The following RBFOX2 variants were observed in gnomAD, a reference collection of about 807,000 sequenced individuals.
RBFOX2 encodes RNA binding fox-1 homolog 2.
In RBFOX2, 10 loss-of-function variants were observed where a neutral mutation model predicts 49.1. The ratio of observed to expected loss-of-function variants is 0.20; its 90% confidence interval spans 0.13 to 0.35. The LOEUF (loss-of-function observed/expected upper bound fraction) is 0.35, where lower values mean the gene tolerates loss of function less well. Ranked by LOEUF, RBFOX2 falls within the 10% of genes least tolerant of loss-of-function variation. The pLI, the probability that RBFOX2 is intolerant of heterozygous loss-of-function variation, is 1.00. For missense variants in RBFOX2, 323 were observed against 486.9 expected (o/e 0.66, Z 3.17); for synonymous variants, 183 against 187.4 (o/e 0.98, Z 0.19).
At chr22:35,933,821 T>C (rs1044468926) in intron 1 of RBFOX2, among the ~76,000 whole-genome samples, 1 of 151,668 alleles carries the variant, frequency 6.6e-6, no homozygotes, top group African/African-American at 2.4e-5. Flanking sequence ...CCCCAAGCCC[T>C]TTCTTCTCCC....
intron 1 of RBFOX2, among the ~76,000 whole-genome samples, chr22:35,855,902 G>A (rs1330747046): frequency 6.6e-6 from 1 of 152,020 alleles, no homozygotes; most frequent in African/African-American, 2.4e-5. Flanking sequence ...AGGTACTCGG[G>A]AGGCTGAGGT....
At position 36,028,257 on chromosome 22, in the gene RBFOX2, C is replaced by T. The variant is rs558742349; in HGVS notation, c.169G>A (p.Gly57Ser). 37 of 1,529,452 alleles carry T rather than the reference C, an allele frequency of 2.4e-5. No homozygotes were observed. In the African/African-American group the frequency reaches 3.7e-4, roughly 15 times the overall value. 94.7% of individuals were successfully genotyped at this position (1,529,452 alleles called of 1,614,324 possible). ...GCGGTCACCTGCATCCCGCCGCCAC[C>T]GTCGGCCGCCGCCTCCTCAGTGCGC... Residue 57 changes from glycine (G) to serine (S), a missense_variant, in exon 1 of 14, where the codon GGT becomes AGT. Coordinates refer to the RBFOX2 transcript ENST00000438146.
At chr22:36,024,182 A>AAATTAC (rs1556554635) in intron 1 of RBFOX2, among the ~76,000 whole-genome samples, 1 of 152,248 alleles carries the variant, frequency 6.6e-6, no homozygotes, top group African/African-American at 2.4e-5. Context: ...TGTAAAAGGT[A>AAATTAC]AATTTCAATT....
At chr22:35,841,757 G>A (rs573288212), upstream of RBFOX2, among the ~76,000 whole-genome samples, 21 of 151,944 alleles carry the variant, frequency 1.4e-4, 1 homozygote, top group South Asian at 3.3e-3. Context: ...ACAAGCCCAC[G>A]GCTAACAACA....
chr22:35,830,470 A>G (rs937130689), intron 1 of RBFOX2, among the ~76,000 whole-genome samples: 7 of 152,198 alleles, frequency 4.6e-5, no homozygotes. Context: ...GATGACAGGG[A>G]TATGTTCTGA....
intron 1 of RBFOX2, among the ~76,000 whole-genome samples, chr22:35,980,191 G>A (rs754416113): frequency 2.0e-5 from 3 of 152,106 alleles, no homozygotes; most frequent in Non-Finnish European, 2.9e-5. Flanking sequence ...GGTCATGTAG[G>A]TAAAAGATCC....
rs1302048534 is a variant in RBFOX2 at position 36,000,939 on chromosome 22, A to T, written c.186+27301T>A. On this transcript the variant is annotated intron_variant, in intron 1 of 13. Transcript: ENST00000438146. ...CACTGTTACAGATCATCTTGATCTA[A>T]CCCTTTCAGTTTAGGAAACTGAGGT... 5.3e-5 allele frequency among the ~76,000 whole-genome samples: 8 copies of T among 152,308 alleles called. No homozygotes were observed. In the East Asian group the frequency reaches 1.5e-3, roughly 29 times the overall value.
At chr22:35,842,795 G>GT (rs898221367), upstream of RBFOX2, among the ~76,000 whole-genome samples, 4 of 151,932 alleles carry the variant, frequency 2.6e-5, no homozygotes, top group African/African-American at 4.8e-5. Flanking sequence ...GCCCCAAGGA[G>GT]TTTTTTTGTT....
At chr22:35,959,060 T>C (rs2055914338) in intron 1 of RBFOX2, among the ~76,000 whole-genome samples, 1 of 151,996 alleles carries the variant, frequency 6.6e-6, no homozygotes, top group Non-Finnish European at 1.5e-5. Context: ...AGAGATGAGA[T>C]GGTACTGAGA....
At chr22:35,926,283 A>G (rs1384631707) in intron 1 of RBFOX2, among the ~76,000 whole-genome samples, 1 of 152,246 alleles carries the variant, frequency 6.6e-6, no homozygotes, top group African/African-American at 2.4e-5. Context: ...CAGCAAGAAT[A>G]TCCCTACTAA....
chr22:35,891,444 T>A (rs979406555), intron 1 of RBFOX2, among the ~76,000 whole-genome samples: 1 of 151,948 alleles, frequency 6.6e-6, no homozygotes, highest in African/African-American at 2.4e-5. Context: ...GGGCACACTA[T>A]GTCTTTAATC....
At position 35,836,102 on chromosome 22, in the gene RBFOX2, G is replaced by C. The variant is rs375251010; in HGVS notation, c.27+4090C>G. On this transcript the variant is annotated intron_variant, in intron 1 of 11. Coordinates refer to ENST00000405409, the Ensembl canonical transcript of RBFOX2. ...GCTCCGTGGATGAAGGGTGGGATAAGGTTCGAGTGGCAAGGGAGCATGACT... is the reference window on the plus strand; with the variant it reads ...GCTCCGTGGATGAAGGGTGGGATAACGTTCGAGTGGCAAGGGAGCATGACT... Among the ~76,000 whole-genome samples the C allele has an allele frequency of 2.5e-4, 38 of 152,234 alleles. No homozygotes were observed. In the South Asian group the frequency reaches 7.5e-3, roughly 30 times the overall value.
chr22:35,864,483 T>TG (rs1263909312), intron 1 of RBFOX2, among the ~76,000 whole-genome samples: 1 of 152,286 alleles, frequency 6.6e-6, no homozygotes, highest in African/African-American at 2.4e-5. Context: ...GCCCCAAAGG[T>TG]GAACATTTGG....
At chr22:35,997,769 T>C (rs1391913724) in intron 1 of RBFOX2, 1 of 152,250 alleles carries the variant, frequency 6.6e-6, no homozygotes, top group Non-Finnish European at 1.5e-5. Context: ...GGCAGGAAGA[T>C]CGCTAGAGCC....
chr22:35,848,997 T>A (rs1198551447), intron 1 of RBFOX2, among the ~76,000 whole-genome samples: 1 of 152,192 alleles, frequency 6.6e-6, no homozygotes, highest in Non-Finnish European at 1.5e-5. Flanking sequence ...TTCAGAAATA[T>A]GCTTGGCAAT....
intron 1 of RBFOX2, among the ~76,000 whole-genome samples, chr22:35,937,383 T>A (rs954417791): frequency 1.3e-5 from 2 of 152,152 alleles, no homozygotes; most frequent in African/African-American, 4.8e-5. Flanking sequence ...ATCTTCAATA[T>A]CAACAGTGAT....
At chr22:35,915,423 CT>C (rs1423431690) in intron 1 of RBFOX2, among the ~76,000 whole-genome samples, 1 of 152,174 alleles carries the variant, frequency 6.6e-6, no homozygotes, top group African/African-American at 2.4e-5. Flanking sequence ...CCAAACAACT[CT>C]TTTTTTCTTC....
intron 9 of RBFOX2, among the ~76,000 whole-genome samples, chr22:35,756,677 T>C (rs1345985730): frequency 6.6e-6 from 1 of 152,156 alleles, no homozygotes; most frequent in Non-Finnish European, 1.5e-5. Context: ...TGTAATAATA[T>C]GTAAATGTTT....
chr22:35,753,916 G>C (rs186117217), intron 9 of RBFOX2, among the ~76,000 whole-genome samples: 2 of 151,146 alleles, frequency 1.3e-5, no homozygotes, highest in Non-Finnish European at 2.9e-5. Flanking sequence ...CCAAGTAGCT[G>C]AAACTACAAG....
Sources: allele counts gnomAD v4.1 joint callset (sites outside exome capture counted in the v4.1 genomes callset), GRCh38; gene constraint gnomAD v4.1.1; transcripts MANE v1.5; gene names NCBI Gene and HGNC (gene_info 2026-07-23, HGNC 2026-07-21).